The following EFCAB10 variants were observed in gnomAD, a reference collection of about 807,000 sequenced individuals.
EFCAB10 encodes the protein EF-hand calcium binding domain 10, also known as EF-hand calcium-binding domain-containing protein 10.
EFCAB10 carries 7 observed loss-of-function variants against 7.7 expected under a neutral mutation model. The observed-to-expected ratio is 0.91, with a 90% CI of 0.52 to 1.72. EFCAB10 has a LOEUF of 1.72. Ranked by LOEUF, EFCAB10 falls within the 40% of genes most tolerant of loss-of-function variation. The pLI, the probability that EFCAB10 is intolerant of heterozygous loss-of-function variation, is 0.00. For missense variants in EFCAB10, 112 were observed against 61.5 expected (o/e 1.82, Z -2.74); for synonymous variants, 52 against 21.0 (o/e 2.47, Z -4.03).
chr7:105,570,240 A>T (rs796462707), intron 1 of EFCAB10, among the ~76,000 whole-genome samples: 35 of 24,880 alleles, frequency 1.4e-3, no homozygotes, highest in African/African-American at 2.8e-3. Flanking sequence ...AAAAAAAAAA[A>T]ATATATATAT....
At chr7:105,575,266 G>A (rs1302828520) in intron 1 of EFCAB10, among the ~76,000 whole-genome samples, 2 of 152,064 alleles carry the variant, frequency 1.3e-5, no homozygotes, top group Admixed American at 6.6e-5. Flanking sequence ...TTTGGGCGGG[G>A]ATACAGCCAA....
intron 4 of EFCAB10, chr7:105,566,639 CAAAAAA>C (rs965560966): frequency 7.1e-6 from 1 of 140,126 alleles, no homozygotes; most frequent in African/African-American, 2.6e-5. Context: ...GACCATGTCT[CAAAAAA>C]AAAAAGTAAA....
At chr7:105,580,934 C>G (rs917054415) in intron 1 of EFCAB10, among the ~76,000 whole-genome samples, 8 of 152,144 alleles carry the variant, frequency 5.3e-5, no homozygotes, top group African/African-American at 1.9e-4. Context: ...AGATTAAAAA[C>G]TTTGGCCGTG....
chr7:105,568,618 C>T (rs766160969), intron 3 of EFCAB10, among the ~76,000 whole-genome samples: 5 of 152,102 alleles, frequency 3.3e-5, no homozygotes, highest in African/African-American at 4.8e-5. Flanking sequence ...GGTGCTTCTT[C>T]ACCTCATCCT....
intron 1 of EFCAB10, among the ~76,000 whole-genome samples, chr7:105,580,160 T>A (rs1792187726): frequency 6.6e-6 from 1 of 152,128 alleles, no homozygotes; most frequent in African/African-American, 2.4e-5. Flanking sequence ...TAAGTTTTTT[T>A]ATTTTTAATA....
intron 1 of EFCAB10, among the ~76,000 whole-genome samples, chr7:105,579,944 G>A (rs1425034179): frequency 6.6e-6 from 1 of 151,922 alleles, no homozygotes; most frequent in East Asian, 1.9e-4. Flanking sequence ...TATAACGAAT[G>A]TAACATAATA....
intron 1 of EFCAB10, among the ~76,000 whole-genome samples, chr7:105,577,954 G>A (rs1181828815): frequency 6.6e-6 from 1 of 152,182 alleles, no homozygotes. Context: ...AGTAGAGATA[G>A]TTTTTCACCA....
chr7:105,569,663 C>A, intron 1 of EFCAB10, 92 bp from the exon 2 acceptor site: 1 of 638,542 alleles, frequency 1.6e-6, no homozygotes, highest in Non-Finnish European at 2.8e-6. Context: ...ACAGCTATAG[C>A]AAAGGCACTG....
rs5886360 is a variant in EFCAB10, at chr7:105,577,715, AT to A, written c.106+3642del. ...CTGCCATGGTGCTTTTGTCTGTTCA[AT>A]TTTTTTTTTTTTTTTTCCTTGAGGC... On this transcript the variant is annotated intron_variant, in intron 1 of 4. Coordinates refer to ENST00000480514, the MANE Select transcript of EFCAB10 (RefSeq NM_001355526.2). Among the ~76,000 whole-genome samples the A allele has an allele frequency of 3.5e-3, 497 of 140,552 alleles. 1 individual carries two copies. The highest frequency in any genetic ancestry group is 8.1e-3 in the African/African-American group (308 of 38,112). The allele number at this position is 140,552 out of a possible 152,430, so 92.2% of individuals were successfully genotyped here.
chr7:105,577,893 G>A (rs930140995), intron 1 of EFCAB10, among the ~76,000 whole-genome samples: 1 of 152,044 alleles, frequency 6.6e-6, no homozygotes, highest in African/African-American at 2.4e-5. Context: ...TGTATTTTTA[G>A]TAGAGACAGC....
chr7:105,565,664 A>T, intron 4 of EFCAB10: 1 of 1,466,868 alleles, frequency 6.8e-7, no homozygotes, highest in Non-Finnish European at 9.5e-7. Context: ...CTCAACATTT[A>T]ACAATTAATA....
At chr7:105,571,078 T>C (rs1791938913) in intron 1 of EFCAB10, 1 of 152,124 alleles carries the variant, frequency 6.6e-6, no homozygotes, top group Non-Finnish European at 1.5e-5. Context: ...TTCATGTTTA[T>C]AAAAGTAGAC....
chr7:105,570,823 G>C (rs543967567), intron 1 of EFCAB10, among the ~76,000 whole-genome samples: 1 of 152,208 alleles, frequency 6.6e-6, no homozygotes, highest in Admixed American at 6.5e-5. Flanking sequence ...GGGAGATCGA[G>C]ACCATCCCGG....
chr7:105,565,839 A>G (rs145446271), intron 4 of EFCAB10, among the ~76,000 whole-genome samples: 209 of 152,338 alleles, frequency 1.4e-3, no homozygotes, highest in African/African-American at 4.9e-3. Context: ...ATGACCTCAA[A>G]AAGTTTCAGA....
rs368702915 is a variant in EFCAB10 at position 105,565,362 on chromosome 7, C to T, written c.*85G>A. The T allele has an allele frequency of 6.2e-7, 1 of 1,614,030 alleles. No homozygotes were observed. The highest frequency in any genetic ancestry group is 8.5e-7 in the Non-Finnish European group (1 of 1,180,012). The stretch of plus-strand genomic sequence containing the variant: ...CCCGTTGCTGCTGACGTTACGAGAC[C>T]ATTTACTTCAGTTGGAGCAGCAGCT... On this transcript the variant is annotated 3_prime_UTR_variant, in exon 5 of 5. Transcript: ENST00000480514.
rs1417723880 is a variant in EFCAB10 at position 105,581,339 on chromosome 7, G to C, written c.106+19C>G. The C allele has an allele frequency of 1.4e-6, 1 of 702,716 alleles. No individual in the cohort carries two copies. Among genetic ancestry groups the C allele is most frequent in the South Asian group, 1.5e-5 (1 of 67,574 alleles). 43.5% of individuals were successfully genotyped at this position (702,716 alleles called of 1,614,324 possible). ...CCCCACATGGAGGTATGGCTGTACC[G>C]GGGCATGGGGGCCCTTACCCGGCCG... On this transcript the variant is annotated intron_variant, in intron 1 of 4. Coordinates refer to ENST00000480514, the MANE Select transcript of EFCAB10 (RefSeq NM_001355526.2).
At chr7:105,573,055 C>T (rs1322245576) in intron 1 of EFCAB10, 3 of 151,358 alleles carry the variant, frequency 2.0e-5, no homozygotes, top group Non-Finnish European at 4.4e-5. Context: ...GATATTAACC[C>T]CTTATCAGAC....
intron 1 of EFCAB10, among the ~76,000 whole-genome samples, chr7:105,576,564 T>C (rs551301394): frequency 8.7e-4 from 132 of 152,256 alleles, no homozygotes; most frequent in African/African-American, 3.1e-3. Flanking sequence ...TGCCTCAGCC[T>C]CCTGAATAGC....
intron 1 of EFCAB10, among the ~76,000 whole-genome samples, chr7:105,579,377 G>A (rs1348576264): frequency 6.6e-6 from 1 of 152,116 alleles, no homozygotes; most frequent in Admixed American, 6.6e-5. Context: ...TGGTGGTGGT[G>A]GGGGTAATTA....
Sources: allele counts gnomAD v4.1 joint callset (sites outside exome capture counted in the v4.1 genomes callset), GRCh38; gene constraint gnomAD v4.1.1; transcripts MANE v1.5; gene names NCBI Gene and HGNC (gene_info 2026-07-23, HGNC 2026-07-21).